PXDNL: variants seen among roughly 807,000 people sequenced by gnomAD.
PXDNL encodes probable oxidoreductase PXDNL.
PXDNL carries 145 observed loss-of-function variants against 150.8 expected under a neutral mutation model. The observed-to-expected ratio is 0.96, with a 90% CI of 0.84 to 1.10. The LOEUF (loss-of-function observed/expected upper bound fraction) is 1.10, where lower values mean the gene tolerates loss of function less well. Ranked by LOEUF, PXDNL falls within the 50% of genes least tolerant of loss-of-function variation. The probability of loss-of-function intolerance (pLI) is 0.00; values close to 1 mark genes in which losing one functional copy is unlikely to be tolerated. For missense variants in PXDNL, 2,087 were observed against 1,873.9 expected, an observed-to-expected ratio of 1.11 and a Z score of -2.10; for synonymous variants, 757 against 725.7, an observed-to-expected ratio of 1.04 and a Z score of -0.69.
At chr8:51,440,528 C>A (rs927241202) in intron 12 of PXDNL, among the ~76,000 whole-genome samples, 1 of 152,168 alleles carries the variant, frequency 6.6e-6, no homozygotes, top group Non-Finnish European at 1.5e-5. Flanking sequence ...TGAGTCCACA[C>A]CATCCATGAA....
At chr8:51,567,176 A>T (rs530577879) in intron 3 of PXDNL, among the ~76,000 whole-genome samples, 51 of 151,502 alleles carry the variant, frequency 3.4e-4, no homozygotes, top group African/African-American at 1.0e-3. Flanking sequence ...ATTAGATGAG[A>T]TGTGTTGTAT....
intron 2 of PXDNL, among the ~76,000 whole-genome samples, chr8:51,650,130 A>G (rs1282281546): frequency 2.0e-5 from 3 of 149,072 alleles, no homozygotes; most frequent in Non-Finnish European, 1.5e-5. Flanking sequence ...AATTCCAGTT[A>G]GTCACCTTTG....
intron 17 of PXDNL, among the ~76,000 whole-genome samples, chr8:51,378,830 C>G (rs185924713): frequency 4.6e-5 from 7 of 152,284 alleles, no homozygotes; most frequent in Non-Finnish European, 1.0e-4. Flanking sequence ...ATGAACCCAC[C>G]AGAAGGAAGA....
At chr8:51,527,585 C>A (rs1811797351) in intron 4 of PXDNL, among the ~76,000 whole-genome samples, 1 of 152,198 alleles carries the variant, frequency 6.6e-6, no homozygotes, top group East Asian at 1.9e-4. Context: ...TGGCCCAGGG[C>A]TCAGAACAGC....
intron 17 of PXDNL, among the ~76,000 whole-genome samples, chr8:51,401,618 C>T (rs1390016478): frequency 6.6e-6 from 1 of 152,180 alleles, no homozygotes; most frequent in Non-Finnish European, 1.5e-5. Context: ...CATTTGAAGG[C>T]ATATGGGAGA....
intron 1 of PXDNL, among the ~76,000 whole-genome samples, chr8:51,678,207 A>T (rs1815667243): frequency 6.6e-6 from 1 of 152,192 alleles, no homozygotes; most frequent in South Asian, 2.1e-4. Flanking sequence ...GTGGATCTTC[A>T]AGAACCAAAC....
Position 51,457,632 on chromosome 8 carries a change from T to A in PXDNL, c.848A>T (p.Asn283Ile). The A allele has an allele frequency of 6.2e-7, 1 of 1,613,766 alleles. No homozygotes were observed. Among genetic ancestry groups the A allele is most frequent in the Non-Finnish European group, 8.5e-7 (1 of 1,179,778 alleles). Reference sequence around the variant, plus strand: ...CATGAGTGTGCCATCATCAAACACATTAAGTCGAGTATCATCTTCCAAATC... The same window carrying A: ...CATGAGTGTGCCATCATCAAACACAATAAGTCGAGTATCATCTTCCAAATC... Reference protein sequence around the residue: ...SLDLEDDTRLNVFDDGTLMIR... With the variant: ...SLDLEDDTRLIVFDDGTLMIR... Residue 283 changes from asparagine (N) to isoleucine (I), a missense_variant, in exon 9 of 23, where the codon AAT becomes ATT. Physicochemically the swap from Asn to Ile is moderately radical, Grantham distance 149. Transcript: ENST00000356297.
At chr8:51,788,033 G>T (rs1362270184) in intron 1 of PXDNL, among the ~76,000 whole-genome samples, 1 of 152,186 alleles carries the variant, frequency 6.6e-6, no homozygotes, top group East Asian at 1.9e-4. Context: ...TAGCAATAAA[G>T]TGTTTTCAAA....
chr8:51,718,714 T>C (rs1207423937), intron 1 of PXDNL, among the ~76,000 whole-genome samples: 1 of 152,200 alleles, frequency 6.6e-6, no homozygotes, highest in Non-Finnish European at 1.5e-5. Context: ...TTGAAGTATC[T>C]TGTTTCACAG....
At chr8:51,607,887 A>AGGAG (rs1813873501) in intron 2 of PXDNL, among the ~76,000 whole-genome samples, 1 of 119,490 alleles carries the variant, frequency 8.4e-6, no homozygotes, top group African/African-American at 3.6e-5. Flanking sequence ...GAAGGAAGGA[A>AGGAG]GGAAGGAAGG....
At chr8:51,526,488 G>GA (rs1811774019) in intron 4 of PXDNL, among the ~76,000 whole-genome samples, 1 of 152,118 alleles carries the variant, frequency 6.6e-6, no homozygotes, top group Non-Finnish European at 1.5e-5. Context: ...AGCGATGTGA[G>GA]AAAAAATGTC....
At chr8:51,499,612 T>C (rs1424713108) in intron 5 of PXDNL, 87 bp downstream of exon 5, 2 of 923,520 alleles carry the variant, frequency 2.2e-6, no homozygotes, top group Non-Finnish European at 3.5e-6. Context: ...TACAGCAAAG[T>C]GGCCTGATCT....
chr8:51,692,306 G>A (rs892806875), intron 1 of PXDNL, among the ~76,000 whole-genome samples: 21 of 152,200 alleles, frequency 1.4e-4, no homozygotes, highest in Non-Finnish European at 2.6e-4. Flanking sequence ...GAAGTCCAGA[G>A]AAAGACAACT....
At chr8:51,709,490 G>A (rs1050579935) in intron 1 of PXDNL, among the ~76,000 whole-genome samples, 4 of 151,962 alleles carry the variant, frequency 2.6e-5, no homozygotes, top group African/African-American at 4.8e-5. Flanking sequence ...TCCTGACCTC[G>A]TGATCCACCC....
chr8:51,717,821 G>A (rs570381257), intron 1 of PXDNL, among the ~76,000 whole-genome samples: 92 of 152,334 alleles, frequency 6.0e-4, no homozygotes, highest in African/African-American at 2.1e-3. Context: ...TCACCCTGCA[G>A]GATTCTGTTG....
chr8:51,791,009 C>G (rs2037508233), intron 1 of PXDNL, among the ~76,000 whole-genome samples: 2 of 151,922 alleles, frequency 1.3e-5, no homozygotes, highest in African/African-American at 4.8e-5. Flanking sequence ...CTAATAGGTG[C>G]AGCTAACATT....
chr8:51,451,867 G>A (rs183093303), intron 10 of PXDNL, among the ~76,000 whole-genome samples: 1 of 152,210 alleles, frequency 6.6e-6, no homozygotes, highest in Admixed American at 6.5e-5. Flanking sequence ...TTAATGGACC[G>A]TTTCAAAATC....
intron 17 of PXDNL, among the ~76,000 whole-genome samples, chr8:51,380,583 C>T (rs1174020270): frequency 6.6e-6 from 1 of 152,136 alleles, no homozygotes; most frequent in African/African-American, 2.4e-5. Flanking sequence ...TATATTCATT[C>T]CCATTTACTA....
At chr8:51,666,489 T>G (rs529713135) in intron 1 of PXDNL, among the ~76,000 whole-genome samples, 3 of 152,200 alleles carry the variant, frequency 2.0e-5, no homozygotes, top group Non-Finnish European at 2.9e-5. Context: ...TACATACACA[T>G]AAACCAAATC....
Sources: gnomAD v4.1 joint callset for allele counts (sites outside exome capture counted in the v4.1 genomes callset) on GRCh38, gnomAD v4.1.1 for gene constraint, MANE v1.5 for transcripts, NCBI Gene and HGNC (gene_info 2026-07-23, HGNC 2026-07-21) for gene names.